CELF4: variants seen among roughly 807,000 people sequenced by gnomAD.
CELF4 encodes the protein CUG-BP- and ETR-3-like factor 4.
A neutral mutation model predicts 59.9 loss-of-function variants in CELF4; 18 were observed. The observed-to-expected ratio is 0.30, with a 90% CI of 0.21 to 0.45. The LOEUF is 0.45. CELF4 is among the 20% of genes least tolerant of loss of function. The pLI is 1.00. For synonymous variants in CELF4, 261 were observed against 267.1 expected, an observed-to-expected ratio of 0.98 and a Z score of 0.22; for missense variants, 456 against 689.0, an observed-to-expected ratio of 0.66 and a Z score of 3.79.
chr18:37,282,284 T>A (rs1388728844), intron 3 of CELF4, among the ~76,000 whole-genome samples: 1 of 152,048 alleles, frequency 6.6e-6, no homozygotes, highest in Non-Finnish European at 1.5e-5. Context: ...CCCAGGTCAG[T>A]CAGAGAAGCC....
At chr18:37,504,402 C>T (rs1035737718) in intron 1 of CELF4, among the ~76,000 whole-genome samples, 3 of 146,034 alleles carry the variant, frequency 2.1e-5, no homozygotes, top group Non-Finnish European at 3.0e-5. Context: ...TGCAGTGAGC[C>T]GAGATCACGC....
rs2066835112 is a variant in CELF4, at chr18:37,253,467, C to A, written c.*44+300G>T. On this transcript the variant is annotated intron_variant, in intron 12 of 12. Transcript: ENST00000420428. This position sits in a 1 kb window ranked among gnomAD's most constrained non-coding sequence, Gnocchi z 4.5. ...ACCTGTTCACCCCAGGGTTCTCTGGCCAACAGGACTGCCAATGTAGACCCG... is the reference window on the plus strand; with the variant it reads ...ACCTGTTCACCCCAGGGTTCTCTGGACAACAGGACTGCCAATGTAGACCCG... 6.6e-6 allele frequency among the ~76,000 whole-genome samples: 1 copy of A among 152,162 alleles called. No homozygotes were observed. Among genetic ancestry groups the A allele is most frequent in the Non-Finnish European group, 1.5e-5 (1 of 68,018 alleles).
chr18:37,526,296 C>T (rs1404734194), intron 1 of CELF4, among the ~76,000 whole-genome samples: 2 of 152,180 alleles, frequency 1.3e-5, no homozygotes, highest in East Asian at 1.9e-4. Flanking sequence ...CCTGCATTTG[C>T]GTGGCTGTGA....
chr18:37,448,845 C>T (rs1218597225), intron 2 of CELF4, among the ~76,000 whole-genome samples: 2 of 152,204 alleles, frequency 1.3e-5, no homozygotes, highest in Non-Finnish European at 2.9e-5. Context: ...ACTCACCCTC[C>T]CATGGCATGG....
At chr18:37,292,223 C>A (rs2095384568) in intron 3 of CELF4, among the ~76,000 whole-genome samples, 1 of 152,124 alleles carries the variant, frequency 6.6e-6, no homozygotes, top group Admixed American at 6.5e-5. Context: ...GTTATAGCAG[C>A]CCAAATGGAC....
intron 2 of CELF4, among the ~76,000 whole-genome samples, chr18:37,338,759 C>CATGTGTGT (rs747916494): frequency 2.1e-5 from 3 of 145,572 alleles, no homozygotes; most frequent in Admixed American, 6.8e-5. Flanking sequence ...ATGCAGGAGC[C>CATGTGTGT]GTGTGTGTGT....
At position 37,335,557 on chromosome 18, in the gene CELF4, G is replaced by T. The variant is rs1017003994; in HGVS notation, c.370-13676C>A. Among the ~76,000 whole-genome samples, 4 of 151,798 alleles carry T rather than the reference G, an allele frequency of 2.6e-5. No individual in the cohort carries two copies. In the South Asian group the frequency reaches 8.3e-4, roughly 32 times the overall value. The stretch of plus-strand genomic sequence containing the variant: ...GGTGTAGGTATGGTGTGTGATGTGC[G>T]TGCTGTGTAAGTGTGGGAGTGTGGT... On this transcript the variant is annotated intron_variant, in intron 2 of 12. Transcript: ENST00000420428.
At chr18:37,470,890 C>CTGTG (rs2099820314) in intron 2 of CELF4, among the ~76,000 whole-genome samples, 4 of 95,012 alleles carry the variant, frequency 4.2e-5, no homozygotes, top group African/African-American at 1.2e-4. Flanking sequence ...GTGTGTGTGA[C>CTGTG]AGAGAGAGAG....
intron 1 of CELF4, among the ~76,000 whole-genome samples, chr18:37,504,614 AACAC>A (rs1341952608): frequency 6.6e-6 from 1 of 152,152 alleles, no homozygotes; most frequent in Non-Finnish European, 1.5e-5. Flanking sequence ...GTTAAGTGAG[AACAC>A]ACATGCCTGG....
chr18:37,293,705 G>A (rs556967513), intron 3 of CELF4, among the ~76,000 whole-genome samples: 3 of 152,238 alleles, frequency 2.0e-5, no homozygotes, highest in East Asian at 3.9e-4. Flanking sequence ...CAGGTGAGTC[G>A]CCTAGCAGGG....
intron 2 of CELF4, among the ~76,000 whole-genome samples, chr18:37,476,720 G>C (rs975396237): frequency 3.3e-5 from 5 of 152,182 alleles, no homozygotes; most frequent in East Asian, 1.9e-4. Context: ...TCCCGGAGCA[G>C]GAGCTCACAC....
intron 1 of CELF4, among the ~76,000 whole-genome samples, chr18:37,515,141 C>T (rs1022403061): frequency 5.9e-5 from 9 of 152,182 alleles, no homozygotes; most frequent in South Asian, 2.1e-4. Context: ...AGCCAATTAT[C>T]TCTCTTTGTC....
At chr18:37,305,742 G>C (rs1474215726) in intron 3 of CELF4, 1 of 152,206 alleles carries the variant, frequency 6.6e-6, no homozygotes, top group African/African-American at 2.4e-5. Flanking sequence ...CCTAAGTCAT[G>C]GTCTGGGGGA....
intron 2 of CELF4, among the ~76,000 whole-genome samples, chr18:37,483,519 G>A (rs992275950): frequency 4.6e-5 from 7 of 152,064 alleles, no homozygotes; most frequent in East Asian, 3.9e-4. Flanking sequence ...CCCCCTCCCC[G>A]TCCCAACATA....
intron 1 of CELF4, among the ~76,000 whole-genome samples, chr18:37,518,283 A>G (rs1258463578): frequency 2.0e-5 from 3 of 152,150 alleles, no homozygotes; most frequent in Non-Finnish European, 4.4e-5. Flanking sequence ...CCCTTATTGG[A>G]TTATAGTTTT....
intron 1 of CELF4, among the ~76,000 whole-genome samples, chr18:37,505,014 C>T (rs1464908303): frequency 2.0e-5 from 3 of 152,210 alleles, no homozygotes; most frequent in African/African-American, 7.2e-5. Flanking sequence ...AGCCCATCCT[C>T]CTCCAGCCAC....
intron 2 of CELF4, among the ~76,000 whole-genome samples, chr18:37,391,571 A>G (rs1015568192): frequency 6.6e-6 from 1 of 152,188 alleles, no homozygotes; most frequent in African/African-American, 2.4e-5. Flanking sequence ...TGATCTGTTC[A>G]TGTGTCTATC....
intron 2 of CELF4, among the ~76,000 whole-genome samples, chr18:37,485,229 C>T (rs1309219648): frequency 6.6e-6 from 1 of 151,924 alleles, no homozygotes; most frequent in East Asian, 1.9e-4. Flanking sequence ...GCACGCGGCC[C>T]GCGGGCCCGG....
chr18:37,327,183 C>A (rs1335674783), intron 2 of CELF4, among the ~76,000 whole-genome samples: 1 of 152,264 alleles, frequency 6.6e-6, no homozygotes, highest in East Asian at 1.9e-4. Flanking sequence ...CTTCCCCTGC[C>A]TCCTCTTGCA....
Sources: allele counts gnomAD v4.1 joint callset (sites outside exome capture counted in the v4.1 genomes callset), GRCh38; gene constraint gnomAD v4.1.1; non-coding constraint Gnocchi (gnomAD v3.1); transcripts MANE v1.5; gene names NCBI Gene and HGNC (gene_info 2026-07-23, HGNC 2026-07-21).